The following CLK3 variants were observed in gnomAD, a reference collection of about 807,000 sequenced individuals.
CLK3 encodes the protein CDC like kinase 3.
CLK3 carries 24 observed loss-of-function variants against 65.2 expected under a neutral mutation model. That is an observed-to-expected ratio of 0.37 (90% CI 0.27 to 0.52). CLK3 has a LOEUF of 0.52. CLK3 is among the 20% of genes least tolerant of loss of function. The pLI is 0.92. For synonymous variants in CLK3, 252 were observed against 240.8 expected (o/e 1.05, Z -0.43); for missense variants, 506 against 660.0 (o/e 0.77, Z 2.56).
chr15:74,622,102 G>T lies in CLK3; in HGVS notation c.370-18G>T. On this transcript the variant is annotated intron_variant, in intron 3 of 12. Coordinates refer to ENST00000395066, the MANE Select transcript of CLK3 (RefSeq NM_001130028.2). This position sits in a 1 kb window ranked among gnomAD's most constrained non-coding sequence, Gnocchi z 4.6. ...CATGCGATTGGTCGGATGGCGTTTC[G>T]GGGGGCGGTGCATGCAGAGAAGCCA... The T allele has an allele frequency of 1.9e-6, 3 of 1,612,120 alleles. No individual in the cohort carries two copies. The highest frequency in any genetic ancestry group is 2.5e-6 in the Non-Finnish European group (3 of 1,178,386).
upstream of CLK3, among the ~76,000 whole-genome samples, chr15:74,611,080 G>A (rs1424186751): frequency 1.3e-5 from 2 of 152,152 alleles, no homozygotes; most frequent in Admixed American, 1.3e-4. Flanking sequence ...TCCCTGGGGG[G>A]CCACAGGGAC....
At chr15:74,625,739 G>T in intron 6 of CLK3, 63 bp from the exon 7 acceptor site, 1 of 1,579,232 alleles carries the variant, frequency 6.3e-7, no homozygotes, top group South Asian at 1.1e-5. Flanking sequence ...GTCTTCATCT[G>T]AGAGAGGGGG....
chr15:74,620,117 A>T lies in CLK3; in HGVS notation c.261A>T (p.Ser87=), dbSNP rs1291451782. The T allele has an allele frequency of 6.2e-7, 1 of 1,614,148 alleles. No homozygotes were observed. The highest frequency in any genetic ancestry group is 8.5e-7 in the Non-Finnish European group (1 of 1,180,026). The change falls in exon 3 of 13, where the codon TCA becomes TCT. Residue 87 remains serine, a synonymous_variant. Coordinates refer to ENST00000395066, the MANE Select transcript of CLK3 (RefSeq NM_001130028.2). ...PSFGEDYYGP[S]RSRHRRRSRE... ...TTGGAGAGGACTACTATGGACCTTC[A>T]CGTTCTCGTCATCGTCGGCGATCGC...
chr15:74,617,229 G>T (rs1265561919), intron 1 of CLK3, among the ~76,000 whole-genome samples: 2 of 152,196 alleles, frequency 1.3e-5, no homozygotes, highest in African/African-American at 4.8e-5. Flanking sequence ...AAGGTCATGA[G>T]GCTGGTATGT....
At position 74,620,170 on chromosome 15, in the gene CLK3, A is replaced by G; in HGVS notation, c.314A>G (p.Lys105Arg). Residue 105 changes from lysine to arginine, a missense_variant, in exon 3 of 13, where the codon AAG becomes AGG. Physicochemically the swap from Lys to Arg is conservative, Grantham distance 26. Around this residue, in one of 2 missense-constraint regions of CLK3, gnomAD observed 181 missense variants for 159.4 expected, o/e 1.14. Coordinates refer to ENST00000395066, the MANE Select transcript of CLK3 (RefSeq NM_001130028.2). Reference sequence around the variant, plus strand: ...GAGAGGGGGCCATACCGGACCCGCAAGCATGCCCACCACTGCCACAAACGC... The same window carrying G: ...GAGAGGGGGCCATACCGGACCCGCAGGCATGCCCACCACTGCCACAAACGC... Reference protein sequence around the residue: ...SRERGPYRTRKHAHHCHKRRT... With the variant: ...SRERGPYRTRRHAHHCHKRRT... 6.2e-7 allele frequency: 1 copy of G among 1,614,060 alleles called. No individual in the cohort carries two copies. The highest frequency in any genetic ancestry group is 1.7e-5 in the Admixed American group (1 of 60,030).
chr15:74,615,015 G>A (rs1465903695), upstream of CLK3: 3 of 172,320 alleles, frequency 1.7e-5, no homozygotes, highest in Non-Finnish European at 2.4e-5. Context: ...CTGGAAAGTG[G>A]GGCCTCGTAA....
chr15:74,608,982 TCTC>T (rs1366993715), intron 1 of CLK3, among the ~76,000 whole-genome samples: 2 of 152,100 alleles, frequency 1.3e-5, no homozygotes, highest in Non-Finnish European at 2.9e-5. Context: ...AGCCCCACCT[TCTC>T]CTGAAGTAGC....
chr15:74,612,381 G>A (rs1222663124), upstream of CLK3, among the ~76,000 whole-genome samples: 1 of 152,112 alleles, frequency 6.6e-6, no homozygotes, highest in Non-Finnish European at 1.5e-5. Context: ...TGGTGAGGAA[G>A]GTCAGAGGGT....
At position 74,622,390 on chromosome 15, in the gene CLK3, A is replaced by G. The variant is rs2062110706; in HGVS notation, c.467-104A>G. On this transcript the variant is annotated intron_variant, in intron 4 of 12. Coordinates refer to ENST00000395066, the MANE Select transcript of CLK3 (RefSeq NM_001130028.2). The surrounding 1 kb of genome is among the most constrained non-coding windows in gnomAD (Gnocchi z 4.6). ...CCATTTTTAAGAGTGTAGCAGTGAG[A>G]GAGAAACCTTTTTTGTTTTTGAGAA... is the stretch of plus-strand genomic sequence containing the variant. 1.8e-6 allele frequency: 2 copies of G among 1,083,054 alleles called. No homozygotes were observed. The highest frequency in any genetic ancestry group is 3.2e-5 in the African/African-American group (2 of 63,488). 67.1% of individuals were successfully genotyped at this position (1,083,054 alleles called of 1,614,324 possible).
upstream of CLK3, chr15:74,615,635 G>C (rs767730663): frequency 8.0e-7 from 1 of 1,252,186 alleles, no homozygotes; most frequent in East Asian, 3.2e-5. Context: ...GGCGGGAGGC[G>C]GGCCGGGCCA....
Position 74,619,903 on chromosome 15 carries a change from G to T in CLK3, c.153-106G>T. 1.9e-6 allele frequency: 3 copies of T among 1,544,620 alleles called. No individual in the cohort carries two copies. The South Asian group carries it at 3.7e-5, about 19-fold the overall frequency. ...CTTCCCACCAGTGTGGATGCTTTTAGCACAGGCTGTCCCCCTTTAGCCCTT... is the reference window on the plus strand; with the variant it reads ...CTTCCCACCAGTGTGGATGCTTTTATCACAGGCTGTCCCCCTTTAGCCCTT... On this transcript the variant is annotated intron_variant, in intron 2 of 12. Coordinates refer to ENST00000395066, the MANE Select transcript of CLK3 (RefSeq NM_001130028.2).
rs774077876 is a variant in CLK3 at position 74,626,009 on chromosome 15, C to A, written c.817+41C>A. On this transcript the variant is annotated intron_variant, in intron 7 of 12. Coordinates refer to ENST00000395066, the MANE Select transcript of CLK3 (RefSeq NM_001130028.2). ...CAAAAGAAGCATGGGCAGCCACATGCCTGCAGCCAAGTCATCTGGTTACTT... is the reference window on the plus strand; with the variant it reads ...CAAAAGAAGCATGGGCAGCCACATGACTGCAGCCAAGTCATCTGGTTACTT... The A allele has an allele frequency of 1.9e-6, 3 of 1,603,786 alleles. No individual in the cohort carries two copies. The East Asian group carries it at 6.7e-5, about 36-fold the overall frequency.
At position 74,620,034 on chromosome 15, in the gene CLK3, A is replaced by T. The variant is rs975358822; in HGVS notation, c.178A>T (p.Arg60Trp). The T allele has an allele frequency of 6.2e-7, 1 of 1,614,128 alleles. No homozygotes were observed. Among genetic ancestry groups the T allele is most frequent in the Non-Finnish European group, 8.5e-7 (1 of 1,180,022 alleles). The change falls in exon 3 of 13, where the codon AGG becomes TGG. Residue 60 changes from arginine to tryptophan, a missense_variant. By Grantham distance (101) the Arg-to-Trp change is moderately radical. Transcript: ENST00000395066. ...CCATGACCGCCTGCCCTACCAGAGG[A>T]GGTACCGGGAGCGCCGTGACAGCGA... is the stretch of plus-strand genomic sequence containing the variant. ...RSHDRLPYQRRYRERRDSDTY... is the reference protein window; with the variant it reads ...RSHDRLPYQRWYRERRDSDTY...
intron 5 of CLK3, chr15:74,623,703 G>T (rs2062121663): frequency 6.6e-6 from 1 of 152,268 alleles, no homozygotes; most frequent in Admixed American, 6.5e-5. Flanking sequence ...CCTCTCTCAG[G>T]AGCTGGAGGG....
chr15:74,629,363 G>A, intron 12 of CLK3: 1 of 529,644 alleles, frequency 1.9e-6, no homozygotes, highest in South Asian at 2.0e-5. Context: ...TGAGGGGGAG[G>A]GAAGACCTAG....
chr15:74,616,757 T>A (rs1238078572), intron 1 of CLK3, among the ~76,000 whole-genome samples: 1 of 152,198 alleles, frequency 6.6e-6, no homozygotes, highest in Non-Finnish European at 1.5e-5. Context: ...GGTGCTGGGG[T>A]GGCTGGAATC....
At position 74,627,694 on chromosome 15, in the gene CLK3, T is replaced by C. The variant is rs540076042; in HGVS notation, c.1042+26T>C. ...GTGAGTGACTGTATGGCCTGTGACC[T>C]TGTCATACTGGACTGTTGTTGGGAG... is the stretch of plus-strand genomic sequence containing the variant. On this transcript the variant is annotated intron_variant, in intron 9 of 12. Transcript: ENST00000395066. This position sits in a 1 kb window ranked among gnomAD's most constrained non-coding sequence, Gnocchi z 4.3. The C allele has an allele frequency of 9.9e-6, 16 of 1,612,908 alleles. No individual in the cohort carries two copies. The Admixed American group carries it at 1.0e-4, about 10-fold the overall frequency.
Position 74,622,587 on chromosome 15 carries a change from G to T in CLK3, c.533+27G>T. ...TGAGCGAGCTGCGGCAGTACAGCTGGCTCCGGATGTGATCTTCCTGGGAAG... is the reference window on the plus strand; with the variant it reads ...TGAGCGAGCTGCGGCAGTACAGCTGTCTCCGGATGTGATCTTCCTGGGAAG... On this transcript the variant is annotated intron_variant, in intron 5 of 12. Coordinates refer to ENST00000395066, the MANE Select transcript of CLK3 (RefSeq NM_001130028.2). The surrounding 1 kb of genome is among the most constrained non-coding windows in gnomAD (Gnocchi z 4.6). 1 of 1,572,002 alleles carries T rather than the reference G, an allele frequency of 6.4e-7. No individual in the cohort carries two copies. Among genetic ancestry groups the T allele is most frequent in the Non-Finnish European group, 8.7e-7 (1 of 1,155,592 alleles).
rs2062106160 is a variant in CLK3 at position 74,621,848 on chromosome 15, A to C, written c.370-272A>C. 1 of 443,136 alleles carries C rather than the reference A, an allele frequency of 2.3e-6. No homozygotes were observed. Among genetic ancestry groups the C allele is most frequent in the Non-Finnish European group, 4.4e-6 (1 of 228,720 alleles). The allele number at this position is 443,136 out of a possible 1,614,324, so 27.5% of individuals were successfully genotyped here. ...CTGAGCGTTTGTGGCGCTCCTCTTA[A>C]AGATAATGTCCGAGTTTTCTTTACA... is the stretch of plus-strand genomic sequence containing the variant. On this transcript the variant is annotated intron_variant, in intron 3 of 12. Transcript: ENST00000395066. This position sits in a 1 kb window ranked among gnomAD's most constrained non-coding sequence, Gnocchi z 4.8.
Sources: allele counts gnomAD v4.1 joint callset (sites outside exome capture counted in the v4.1 genomes callset), GRCh38; gene constraint gnomAD v4.1.1; regional missense constraint gnomAD v4.1.1; non-coding constraint Gnocchi (gnomAD v3.1); transcripts MANE v1.5; gene names NCBI Gene and HGNC (gene_info 2026-07-23, HGNC 2026-07-21).